The following UNC5D variants were observed in gnomAD, a reference collection of about 807,000 sequenced individuals.
The protein encoded by UNC5D is unc-5 netrin receptor D, also known as netrin receptor UNC5D.
Under a neutral mutation model 105.4 loss-of-function variants are expected in UNC5D, and 39 were observed. That is an observed-to-expected ratio of 0.37 (90% CI 0.29 to 0.48). The LOEUF (loss-of-function observed/expected upper bound fraction) is 0.48, where lower values mean the gene tolerates loss of function less well. Ranked by LOEUF, UNC5D falls within the 20% of genes least tolerant of loss-of-function variation. The pLI is 0.98. For synonymous variants in UNC5D, 452 were observed against 450.4 expected, an observed-to-expected ratio of 1.00 and a Z score of -0.04; for missense variants, 991 against 1,202.4, an observed-to-expected ratio of 0.82 and a Z score of 2.60.
At chr8:35,717,725 A>T (rs978384776) in intron 8 of UNC5D, among the ~76,000 whole-genome samples, 1 of 152,216 alleles carries the variant, frequency 6.6e-6, no homozygotes, top group Non-Finnish European at 1.5e-5. Context: ...CAACTGCTAT[A>T]ATAAAAGGTC....
At chr8:35,459,685 T>C (rs901258484) in intron 1 of UNC5D, among the ~76,000 whole-genome samples, 3 of 152,164 alleles carry the variant, frequency 2.0e-5, no homozygotes, top group African/African-American at 4.8e-5. Context: ...GAAGGAAATG[T>C]TTGTTTGTTT....
At chr8:35,290,638 A>C (rs952607007) in intron 1 of UNC5D, among the ~76,000 whole-genome samples, 1 of 152,114 alleles carries the variant, frequency 6.6e-6, no homozygotes, top group Non-Finnish European at 1.5e-5. Context: ...TAAATGTTTA[A>C]ATATTAATTT....
intron 14 of UNC5D, among the ~76,000 whole-genome samples, chr8:35,766,612 T>C (rs1010183992): frequency 3.3e-5 from 5 of 152,232 alleles, no homozygotes; most frequent in Admixed American, 1.3e-4. Context: ...TGGTATTCTT[T>C]CTAATTGTGT....
chr8:35,420,241 A>G (rs1261653200), intron 1 of UNC5D, among the ~76,000 whole-genome samples: 1 of 152,148 alleles, frequency 6.6e-6, no homozygotes, highest in Admixed American at 6.5e-5. Flanking sequence ...AAATTGAAGA[A>G]GCTACAGAGC....
chr8:35,772,408 A>T (rs1054286809), intron 15 of UNC5D, among the ~76,000 whole-genome samples: 4 of 152,196 alleles, frequency 2.6e-5, no homozygotes, highest in African/African-American at 9.7e-5. Flanking sequence ...TCTATTTTCA[A>T]CCTACCAAGC....
At chr8:35,351,789 G>A (rs986807839) in intron 1 of UNC5D, among the ~76,000 whole-genome samples, 1 of 152,094 alleles carries the variant, frequency 6.6e-6, no homozygotes, top group African/African-American at 2.4e-5. Context: ...TAAAGTTATT[G>A]ATAATAAATG....
chr8:35,391,423 A>C (rs11997743), intron 1 of UNC5D, among the ~76,000 whole-genome samples: 80,998 of 151,924 alleles, frequency 0.53, 22,348 homozygotes, highest in East Asian at 0.71. Flanking sequence ...TGGGAAACAA[A>C]AGGGTATTCA....
rs77167795 is a variant in UNC5D at position 35,403,507 on chromosome 8, C to T, written c.104-145785C>T. Among the ~76,000 whole-genome samples, 9 of 152,320 alleles carry T rather than the reference C, an allele frequency of 5.9e-5. No individual in the cohort carries two copies. The East Asian group carries it at 1.7e-3, about 29-fold the overall frequency. On this transcript the variant is annotated intron_variant, in intron 1 of 16. Coordinates refer to ENST00000404895, the MANE Select transcript of UNC5D (RefSeq NM_080872.4). ...GCAAATATACATTGTGTGTTCCTTA[C>T]CTAAAATGTTTGTGACCAGAAGTAT...
intron 1 of UNC5D, among the ~76,000 whole-genome samples, chr8:35,491,754 C>T (rs1365620657): frequency 6.6e-6 from 1 of 152,080 alleles, no homozygotes; most frequent in Non-Finnish European, 1.5e-5. Context: ...AATTTTCCTC[C>T]TAGTATGCCA....
At chr8:35,746,546 C>A (rs1830015314) in intron 11 of UNC5D, among the ~76,000 whole-genome samples, 1 of 152,172 alleles carries the variant, frequency 6.6e-6, no homozygotes, top group Admixed American at 6.5e-5. Context: ...TAATGCAAAA[C>A]TCCTATTCCA....
chr8:35,790,566 C>T lies in UNC5D; in HGVS notation c.*3C>T, dbSNP rs917634702. On this transcript the variant is annotated 3_prime_UTR_variant, in exon 17 of 17. Coordinates refer to ENST00000404895, the MANE Select transcript of UNC5D (RefSeq NM_080872.4). ...ACAGCAGGCAAAATGGACTCTAGTC[C>T]ACTTCCTCCCATGAGACAGAGTGAT... 1.9e-6 allele frequency: 3 copies of T among 1,613,424 alleles called. No homozygotes were observed. Among genetic ancestry groups the T allele is most frequent in the Admixed American group, 1.7e-5 (1 of 59,922 alleles).
intron 1 of UNC5D, among the ~76,000 whole-genome samples, chr8:35,342,231 A>T (rs1421139980): frequency 6.6e-6 from 1 of 152,098 alleles, no homozygotes; most frequent in East Asian, 1.9e-4. Context: ...CCAGAATCCC[A>T]GGTAGATCAG....
intron 1 of UNC5D, among the ~76,000 whole-genome samples, chr8:35,495,968 A>G (rs1415097161): frequency 6.6e-6 from 1 of 152,226 alleles, no homozygotes; most frequent in Non-Finnish European, 1.5e-5. Context: ...AGGCAACTTT[A>G]CGTGGTGGCA....
chr8:35,442,900 T>TCACA (rs1285651626), intron 1 of UNC5D, among the ~76,000 whole-genome samples: 31 of 135,140 alleles, frequency 2.3e-4, no homozygotes, highest in African/African-American at 9.1e-4. Context: ...TCTCTCTCTC[T>TCACA]CTCTCACACA....
chr8:35,421,720 CAT>C (rs1259647751), intron 1 of UNC5D, among the ~76,000 whole-genome samples: 2 of 152,106 alleles, frequency 1.3e-5, no homozygotes, highest in East Asian at 1.9e-4. Flanking sequence ...TACTCACACA[CAT>C]AGAAAAATAC....
chr8:35,492,396 G>A (rs1179868092), intron 1 of UNC5D, among the ~76,000 whole-genome samples: 2 of 151,928 alleles, frequency 1.3e-5, no homozygotes, highest in Admixed American at 1.3e-4. Flanking sequence ...ATATAAAGAG[G>A]GAAATATAAA....
intron 1 of UNC5D, among the ~76,000 whole-genome samples, chr8:35,451,279 G>A (rs566107895): frequency 8.9e-4 from 135 of 152,180 alleles, no homozygotes; most frequent in Middle Eastern, 6.8e-3. Context: ...CCAACCTCAG[G>A]TGATCCGCCT....
chr8:35,726,652 C>T (rs113523198), intron 10 of UNC5D, 123 bp downstream of exon 10: 21 of 1,422,434 alleles, frequency 1.5e-5, no homozygotes, highest in African/African-American at 7.1e-5. Context: ...GCAAACACTG[C>T]GGCTCCACTA....
intron 1 of UNC5D, among the ~76,000 whole-genome samples, chr8:35,444,284 G>A (rs539200506): frequency 6.6e-6 from 1 of 152,120 alleles, no homozygotes; most frequent in Admixed American, 6.6e-5. Flanking sequence ...CGAGTGATAA[G>A]CTCTTTGGGA....
Sources: gnomAD v4.1 joint callset for allele counts (sites outside exome capture counted in the v4.1 genomes callset) on GRCh38, gnomAD v4.1.1 for gene constraint, MANE v1.5 for transcripts, NCBI Gene and HGNC (gene_info 2026-07-23, HGNC 2026-07-21) for gene names.